TTC27: variants seen among roughly 807,000 people sequenced by gnomAD.
TTC27 encodes tetratricopeptide repeat domain 27.
A neutral mutation model predicts 115.9 loss-of-function variants in TTC27; 79 were observed. The observed-to-expected ratio is 0.68, with a 90% CI of 0.57 to 0.82. The LOEUF is 0.82. Among genes scored for constraint, TTC27 ranks in the 40% least tolerant of loss-of-function variants. TTC27 has a pLI of 0.00. For missense variants in TTC27, 1,054 were observed against 993.1 expected, an observed-to-expected ratio of 1.06 and a Z score of -0.82; for synonymous variants, 401 against 356.0, an observed-to-expected ratio of 1.13 and a Z score of -1.42.
intron 13 of TTC27, among the ~76,000 whole-genome samples, chr2:32,773,408 G>C (rs1338436572): frequency 6.6e-6 from 1 of 152,196 alleles, no homozygotes; most frequent in Non-Finnish European, 1.5e-5. Context: ...ATATGCTCCT[G>C]GTTCTTAAAG....
rs758744262 is a variant in TTC27 at position 32,758,471 on chromosome 2, A to G, written c.1632A>G (p.Gln544=). Residue 544 remains glutamine (Q), a synonymous_variant, in exon 13 of 20, where the codon CAA becomes CAG. Transcript: ENST00000317907. The part of the protein sequence containing the change: ...ALLHLRNKEF[Q]ECVECFERSV... Reference sequence around the variant, plus strand: ...TTCATCTTCGGAACAAGGAGTTTCAAGAGTGTGTAGAGTGCTTCGAACGCT... The same window carrying G: ...TTCATCTTCGGAACAAGGAGTTTCAGGAGTGTGTAGAGTGCTTCGAACGCT... 6.2e-6 allele frequency: 10 copies of G among 1,614,062 alleles called. No homozygotes were observed. The highest frequency in any genetic ancestry group is 3.3e-5 in the Admixed American group (2 of 60,002).
chr2:32,735,288 C>G (rs1281592271), intron 11 of TTC27, among the ~76,000 whole-genome samples: 1 of 152,136 alleles, frequency 6.6e-6, no homozygotes, highest in Non-Finnish European at 1.5e-5. Context: ...AATGTGTTAA[C>G]AGCTGGAATT....
chr2:32,673,189 GA>G (rs956601076), intron 8 of TTC27, among the ~76,000 whole-genome samples: 2 of 141,532 alleles, frequency 1.4e-5, no homozygotes, highest in African/African-American at 2.6e-5. Context: ...GAGTTTGTCT[GA>G]TTTTTTTTTT....
intron 7 of TTC27, among the ~76,000 whole-genome samples, chr2:32,671,182 T>C (rs1368458923): frequency 2.6e-5 from 4 of 151,972 alleles, no homozygotes; most frequent in Admixed American, 2.0e-4. Context: ...GGTTACAAAG[T>C]TTTTTTTAAT....
chr2:32,651,694 G>A (rs1665133636), intron 5 of TTC27, among the ~76,000 whole-genome samples: 2 of 152,170 alleles, frequency 1.3e-5, no homozygotes, highest in African/African-American at 4.8e-5. Context: ...ACAGTGGAGA[G>A]GACTATAGCT....
At position 32,686,424 on chromosome 2, in the gene TTC27, G is replaced by A. The variant is rs150503500; in HGVS notation, c.1119+7502G>A. ...TCTGTTACCCAGGCTGGAGCGCAAA[G>A]GCACGATCTTAGCTTACGTCTGTCT... On this transcript the variant is annotated intron_variant, in intron 9 of 19. Coordinates refer to ENST00000317907, the MANE Select transcript of TTC27 (RefSeq NM_017735.5). Among the ~76,000 whole-genome samples the A allele has an allele frequency of 9.5e-3, 1,450 of 152,172 alleles. 9 individuals carry two copies. The highest frequency in any genetic ancestry group is 0.023 in the South Asian group (113 of 4,820).
At chr2:32,630,119 G>A (rs184119746) in intron 1 of TTC27, among the ~76,000 whole-genome samples, 1 of 152,190 alleles carries the variant, frequency 6.6e-6, no homozygotes. Flanking sequence ...GTAAACCAGC[G>A]CTCTTGGAGT....
intron 3 of TTC27, among the ~76,000 whole-genome samples, chr2:32,636,025 G>A (rs1664411253): frequency 6.6e-6 from 1 of 152,144 alleles, no homozygotes; most frequent in African/African-American, 2.4e-5. Flanking sequence ...AATGATTGTA[G>A]CAGTTAAAGA....
intron 9 of TTC27, among the ~76,000 whole-genome samples, chr2:32,696,137 A>T (rs7580120): frequency 0.7 from 103,782 of 149,062 alleles, 36,906 homozygotes; most frequent in Middle Eastern, 0.81. Context: ...AAAAAAAAAA[A>T]AATAATTGTT....
At chr2:32,639,160 C>A (rs536135691) in intron 3 of TTC27, among the ~76,000 whole-genome samples, 1 of 152,248 alleles carries the variant, frequency 6.6e-6, no homozygotes, top group South Asian at 2.1e-4. Flanking sequence ...ATTGATGAAA[C>A]TGAGGCTTCA....
intron 12 of TTC27, among the ~76,000 whole-genome samples, chr2:32,753,417 C>G (rs916006089): frequency 1.3e-4 from 19 of 145,386 alleles, no homozygotes; most frequent in African/African-American, 4.6e-4. Flanking sequence ...CTCGGTTAAT[C>G]CAATCAAATG....
At chr2:32,679,008 T>G in intron 9 of TTC27, 86 bp downstream of exon 9, 1 of 1,150,914 alleles carries the variant, frequency 8.7e-7, no homozygotes, top group Non-Finnish European at 1.3e-6. Flanking sequence ...ATTGTTTATG[T>G]TGAAACACTG....
intron 12 of TTC27, among the ~76,000 whole-genome samples, chr2:32,755,909 C>T (rs1669216052): frequency 6.6e-6 from 1 of 152,188 alleles, no homozygotes; most frequent in African/African-American, 2.4e-5. Context: ...ACTCAATATG[C>T]AAAGCCGTGC....
At chr2:32,710,427 C>CTTTTT (rs10651873) in intron 10 of TTC27, among the ~76,000 whole-genome samples, 6 of 129,852 alleles carry the variant, frequency 4.6e-5, no homozygotes, top group Non-Finnish European at 3.2e-5. Context: ...AAGTATATAG[C>CTTTTT]TTTTTTTTTT....
chr2:32,707,795 A>G (rs1667428975), intron 10 of TTC27, among the ~76,000 whole-genome samples: 1 of 152,126 alleles, frequency 6.6e-6, no homozygotes, highest in African/African-American at 2.4e-5. Flanking sequence ...GCTCAGTAGC[A>G]ACAAGCACAT....
At chr2:32,630,833 A>C (rs1462839993) in intron 2 of TTC27, 133 bp downstream of exon 2, 1 of 757,580 alleles carries the variant, frequency 1.3e-6, no homozygotes, top group Non-Finnish European at 2.0e-6. Context: ...TGGTGTACCA[A>C]GTAATCTATG....
intron 10 of TTC27, among the ~76,000 whole-genome samples, chr2:32,710,166 C>T (rs570079243): frequency 1.3e-5 from 2 of 152,104 alleles, no homozygotes; most frequent in South Asian, 2.1e-4. Flanking sequence ...TAGGCATGCA[C>T]CACCGACTTA....
intron 16 of TTC27, among the ~76,000 whole-genome samples, chr2:32,789,767 C>CA (rs1198131617): frequency 6.6e-6 from 1 of 150,674 alleles, no homozygotes; most frequent in African/African-American, 2.4e-5. Flanking sequence ...AAAAAAAATA[C>CA]AAAAAAAATT....
chr2:32,772,802 T>C (rs1669872948), intron 13 of TTC27, among the ~76,000 whole-genome samples: 1 of 152,220 alleles, frequency 6.6e-6, no homozygotes, highest in Non-Finnish European at 1.5e-5. Flanking sequence ...ATTTTGCCAC[T>C]AGATGGCAAT....
Sources: allele counts gnomAD v4.1 joint callset (sites outside exome capture counted in the v4.1 genomes callset), GRCh38; gene constraint gnomAD v4.1.1; transcripts MANE v1.5; gene names NCBI Gene and HGNC (gene_info 2026-07-23, HGNC 2026-07-21).